Variants in MUC5AC observed in about 807,000 individuals in gnomAD.
The protein encoded by MUC5AC is mucin 5AC, oligomeric mucus/gel-forming.
MUC5AC carries 158 observed loss-of-function variants against 169.7 expected under a neutral mutation model. The observed-to-expected ratio is 0.93, with a 90% CI of 0.82 to 1.06. The LOEUF (loss-of-function observed/expected upper bound fraction) is 1.06, where lower values mean the gene tolerates loss of function less well. MUC5AC is among the 50% of genes least tolerant of loss of function. The pLI, the probability that MUC5AC is intolerant of heterozygous loss-of-function variation, is 0.00. For synonymous variants in MUC5AC, 1,975 were observed against 1,237.0 expected, an observed-to-expected ratio of 1.60 and a Z score of -12.52; for missense variants, 4,359 against 3,089.9, an observed-to-expected ratio of 1.41 and a Z score of -9.74.
At chr11:1,168,593 G>C (rs1860401035) in intron 13 of MUC5AC, 41 bp downstream of exon 13, 1 of 1,612,306 alleles carries the variant, frequency 6.2e-7, no homozygotes. Flanking sequence ...GGCTGCCTGG[G>C]GTCCCGCCCC....
In MUC5AC at chr11:1,176,138, C is replaced by T. The variant is rs1040794541; in HGVS notation, c.2402-13C>T. On this transcript the variant is annotated splice_polypyrimidine_tract_variant and intron_variant, in intron 19 of 48. Transcript: ENST00000621226. Reference sequence around the variant, plus strand: ...GCCTGTGGCTGGCCCCCTGACGGCCCCTCCCTCCCCAGTGTGTGCTGCGCC... The same window carrying T: ...GCCTGTGGCTGGCCCCCTGACGGCCTCTCCCTCCCCAGTGTGTGCTGCGCC... 35 of 398,600 alleles carry T rather than the reference C, an allele frequency of 8.8e-5. No homozygotes were observed. Among genetic ancestry groups the T allele is most frequent in the African/African-American group, 6.8e-4 (33 of 48,632 alleles). 24.7% of individuals were successfully genotyped at this position (398,600 alleles called of 1,614,324 possible).
intron 11 of MUC5AC, among the ~76,000 whole-genome samples, chr11:1,166,088 C>A (rs1860316051): frequency 1.3e-5 from 2 of 152,052 alleles, no homozygotes; most frequent in African/African-American, 4.8e-5. Flanking sequence ...AGTACTCCTG[C>A]CCCAACACAC....
At chr11:1,169,430 CTCACTCACTCACCCACT>C in intron 15 of MUC5AC, among the ~76,000 whole-genome samples, 1 of 77,304 alleles carries the variant, frequency 1.3e-5, no homozygotes, top group African/African-American at 7.6e-5. Flanking sequence ...GCCCACTCAC[CTCACTCACTCACCCACT>C]CACTCACTCA....
In MUC5AC at chr11:1,197,992, G is replaced by A. The variant is rs1223951581; in HGVS notation, c.16123G>A (p.Val5375Ile). ...CTACCAGGAGGGGGCCTGCTGCCCAGTCCAAAACTGCAGTGAGTGGCCTGG... is the reference window on the plus strand; with the variant it reads ...CTACCAGGAGGGGGCCTGCTGCCCAATCCAAAACTGCAGTGAGTGGCCTGG... ...PTYQEGACCP[V>I]QNCSWTVCSI... The change falls in exon 42 of 49, where the codon GTC becomes ATC. Residue 5375 changes from valine (V) to isoleucine (I), a missense_variant. Coordinates refer to ENST00000621226, the MANE Select transcript of MUC5AC (RefSeq NM_001304359.2). The A allele has an allele frequency of 1.4e-6, 1 of 713,108 alleles. No individual in the cohort carries two copies. The highest frequency in any genetic ancestry group is 2.6e-6 in the Non-Finnish European group (1 of 392,124). 44.2% of individuals were successfully genotyped at this position (713,108 alleles called of 1,614,324 possible).
intron 4 of MUC5AC, 101 bp from the exon 5 acceptor site, chr11:1,162,431 G>A (rs766753052): frequency 6.9e-5 from 80 of 1,159,938 alleles, no homozygotes; most frequent in Non-Finnish European, 9.4e-5. Flanking sequence ...GCGACTTCAC[G>A]GTCACGATGA....
At chr11:1,171,496 CCCATTCACCCAT>C (rs1860534364) in intron 15 of MUC5AC, among the ~76,000 whole-genome samples, 1 of 86,880 alleles carries the variant, frequency 1.2e-5, no homozygotes. Context: ...CACTCACTCA[CCCATTCACCCAT>C]TCACCCACTC....
Position 1,176,911 on chromosome 11 carries a change from C to CCCCAGA in MUC5AC, c.2655-16_2655-11dup, listed in dbSNP as rs1860700785. On this transcript the variant is annotated splice_polypyrimidine_tract_variant and intron_variant, in intron 21 of 48. Coordinates refer to ENST00000621226, the MANE Select transcript of MUC5AC (RefSeq NM_001304359.2). ...CACCCTGTGTGTGCTCTAGCCTGAC[C>CCCCAGA]CCCAGATGTCCCCCAGCACCTGTGA... 2.5e-6 allele frequency: 1 copy of CCCCAGA among 398,690 alleles called. No homozygotes were observed. Among genetic ancestry groups the CCCCAGA allele is most frequent in the Admixed American group, 4.4e-5 (1 of 22,722 alleles). 24.7% of individuals were successfully genotyped at this position (398,690 alleles called of 1,614,324 possible). A position where few individuals can be genotyped will look rare whatever the true frequency, so the allele number is the denominator to read the frequency against.
In MUC5AC at chr11:1,197,955, C is replaced by T. The variant is rs570022575; in HGVS notation, c.16086C>T (p.Arg5362=). 4 of 736,996 alleles carry T rather than the reference C, an allele frequency of 5.4e-6. No individual in the cohort carries two copies. Among genetic ancestry groups the T allele is most frequent in the South Asian group, 2.9e-5 (2 of 69,950 alleles). The allele number at this position is 736,996 out of a possible 1,614,324, so 45.7% of individuals were successfully genotyped here. A position where few individuals can be genotyped will look rare whatever the true frequency, so the allele number is the denominator to read the frequency against. ...PAPVGCPEGA[R]AIPTYQEGAC... The stretch of plus-strand genomic sequence containing the variant: ...CCGTGGGCTGTCCTGAGGGCGCCCG[C>T]GCGATCCCGACCTACCAGGAGGGGG... The change falls in exon 42 of 49, where the codon CGC becomes CGT. Residue 5362 remains arginine (R), a synonymous_variant. Coordinates refer to ENST00000621226, the MANE Select transcript of MUC5AC (RefSeq NM_001304359.2).
intron 24 of MUC5AC, among the ~76,000 whole-genome samples, chr11:1,177,962 G>A (rs1044385637): frequency 9.2e-5 from 14 of 152,308 alleles, no homozygotes; most frequent in Admixed American, 3.3e-4. Flanking sequence ...TGCATCTGCC[G>A]GGGTCCCCAG....
intron 11 of MUC5AC, among the ~76,000 whole-genome samples, chr11:1,167,673 G>C (rs1860375249): frequency 6.6e-6 from 1 of 152,184 alleles, no homozygotes; most frequent in Non-Finnish European, 1.5e-5. Context: ...GCAGAGTGTG[G>C]CCTCCTCAGG....
intron 15 of MUC5AC, among the ~76,000 whole-genome samples, chr11:1,170,995 C>CTCAG (rs1860502238): frequency 9.2e-6 from 1 of 109,128 alleles, no homozygotes; most frequent in Non-Finnish European, 1.8e-5. Flanking sequence ...CACCTACTCA[C>CTCAG]TCACCCACTC....
At position 1,190,254 on chromosome 11, in the gene MUC5AC, C is replaced by T; in HGVS notation, c.12109C>T (p.Pro4037Ser). The part of the protein sequence containing the change: ...LVCRNQDQQG[P>S]FKMCLNYEVR... ...GTGCCGGAACCAGGACCAGCAGGGA[C>T]CCTTCAAGATGTGCCTCAACTACGA... Residue 4037 changes from proline (P) to serine (S), a missense_variant, in exon 31 of 49, where the codon CCC (proline) becomes TCC (serine). Transcript: ENST00000621226. 1 of 731,018 alleles carries T rather than the reference C, an allele frequency of 1.4e-6. No individual in the cohort carries two copies. The highest frequency in any genetic ancestry group is 1.5e-5 in the South Asian group (1 of 68,854). The allele number at this position is 731,018 out of a possible 1,614,324, so 45.3% of individuals were successfully genotyped here.
chr11:1,158,544 C>CT (rs1362683531), intron 1 of MUC5AC, among the ~76,000 whole-genome samples: 3 of 152,322 alleles, frequency 2.0e-5, no homozygotes, highest in African/African-American at 7.2e-5. Context: ...GTCTCAGCCT[C>CT]TGAGCTGGGA....
intron 2 of MUC5AC, among the ~76,000 whole-genome samples, chr11:1,161,091 G>A (rs1043681021): frequency 6.6e-6 from 1 of 152,212 alleles, no homozygotes; most frequent in Non-Finnish European, 1.5e-5. Context: ...GGGAGCCCGT[G>A]GAGGCCCAGC....
intron 15 of MUC5AC, among the ~76,000 whole-genome samples, chr11:1,171,699 AC>A (rs1860548022): frequency 7.7e-6 from 1 of 130,680 alleles, no homozygotes; most frequent in African/African-American, 3.0e-5. Flanking sequence ...TCACCCACTC[AC>A]CCACTCACTC....
At position 1,185,710 on chromosome 11, in the gene MUC5AC, C is replaced by A; in HGVS notation, c.7565C>A (p.Thr2522Asn). ...ACCAGCACAACCTCTGCTTCTACAA[C>A]CAGCACAACCTCTGGTGCTGGAACT... ...PTTSTTSAST[T>N]STTSGAGTTP... Residue 2522 changes from threonine (T) to asparagine (N), a missense_variant, in exon 31 of 49, where the codon ACC (threonine) becomes AAC (asparagine). By Grantham distance (65) the Thr-to-Asn change is moderately conservative. Transcript: ENST00000621226. 1 of 744,884 alleles carries A rather than the reference C, an allele frequency of 1.3e-6. No homozygotes were observed. The highest frequency in any genetic ancestry group is 1.4e-5 in the South Asian group (1 of 71,732). 46.1% of individuals were successfully genotyped at this position (744,884 alleles called of 1,614,324 possible).
intron 2 of MUC5AC, among the ~76,000 whole-genome samples, chr11:1,161,008 G>A (rs190476858): frequency 4.6e-5 from 7 of 152,254 alleles, no homozygotes; most frequent in African/African-American, 4.8e-5. Flanking sequence ...TGTCCCCCCC[G>A]TTCACCTCCT....
intron 39 of MUC5AC, 28 bp downstream of exon 39, chr11:1,196,748 G>A (rs759707438): frequency 1.4e-6 from 1 of 738,824 alleles, no homozygotes; most frequent in South Asian, 1.4e-5. Flanking sequence ...GGGCTGGGGG[G>A]TGTGGCAGGA....
Position 1,184,767 on chromosome 11 carries a change from G to A in MUC5AC, c.6622G>A (p.Glu2208Lys), listed in dbSNP as rs1386834477. ...ACCCTTCAAGATGTGCCTCAACTAC[G>A]AGGTGCGTGTGCTCTGCTGCGAGAC... Reference protein sequence around the residue: ...QGPFKMCLNYEVRVLCCETPK... With the variant: ...QGPFKMCLNYKVRVLCCETPK... Residue 2208 changes from glutamate to lysine, a missense_variant, in exon 31 of 49, where the codon GAG (glutamate) becomes AAG (lysine). Physicochemically the swap from Glu to Lys is moderately conservative, Grantham distance 56 (BLOSUM62 1). Coordinates refer to ENST00000621226, the MANE Select transcript of MUC5AC (RefSeq NM_001304359.2). 9 of 647,748 alleles carry A rather than the reference G, an allele frequency of 1.4e-5. No homozygotes were observed. Among genetic ancestry groups the A allele is most frequent in the Admixed American group, 2.5e-5 (1 of 40,488 alleles). The allele number at this position is 647,748 out of a possible 1,614,324, so 40.1% of individuals were successfully genotyped here.
Sources: allele counts gnomAD v4.1 joint callset (sites outside exome capture counted in the v4.1 genomes callset), GRCh38; gene constraint gnomAD v4.1.1; transcripts MANE v1.5; gene names NCBI Gene and HGNC (gene_info 2026-07-23, HGNC 2026-07-21).